CSMD3: variants seen among roughly 807,000 people sequenced by gnomAD.
The protein encoded by CSMD3 is CUB and sushi domain-containing protein 3.
CSMD3 carries 177 observed loss-of-function variants against 435.2 expected under a neutral mutation model. That is an observed-to-expected ratio of 0.41 (90% CI 0.36 to 0.46). CSMD3 has a LOEUF of 0.46. Among genes scored for constraint, CSMD3 ranks in the 20% least tolerant of loss-of-function variants. CSMD3 has a pLI of 0.34. For missense variants in CSMD3, 4,265 were observed against 4,504.6 expected (o/e 0.95, Z 1.52); for synonymous variants, 1,656 against 1,520.5 (o/e 1.09, Z -2.07).
At chr8:113,413,485 T>C (rs2094568548) in intron 1 of CSMD3, among the ~76,000 whole-genome samples, 1 of 152,180 alleles carries the variant, frequency 6.6e-6, no homozygotes, top group Non-Finnish European at 1.5e-5. Context: ...TAAGCTTCAC[T>C]GTGAATTTAC....
At position 112,749,418 on chromosome 8, in the gene CSMD3, T is replaced by A. The variant is rs78303906; in HGVS notation, c.1972+50744A>T. Among the ~76,000 whole-genome samples, 715 of 152,192 alleles carry A rather than the reference T, an allele frequency of 4.7e-3. 10 individuals carry two copies. Among genetic ancestry groups the A allele is most frequent in the African/African-American group, 0.017 (691 of 41,544 alleles). ...TCTTTGTCATAAAACGTTTTCCCGTTCCTATGTCCAGGATGGTATAGCCTT... is the reference window on the plus strand; with the variant it reads ...TCTTTGTCATAAAACGTTTTCCCGTACCTATGTCCAGGATGGTATAGCCTT... On this transcript the variant is annotated intron_variant, in intron 13 of 70. Coordinates refer to ENST00000297405, the MANE Select transcript of CSMD3 (RefSeq NM_198123.2).
chr8:112,915,583 A>G lies in CSMD3; in HGVS notation c.1633+6044T>C, dbSNP rs538830947. Reference sequence around the variant, plus strand: ...TAAAGATACATTGTTTAAACTCAACATATTACAAGGGTGCACTTCATAATA... The same window carrying G: ...TAAAGATACATTGTTTAAACTCAACGTATTACAAGGGTGCACTTCATAATA... On this transcript the variant is annotated intron_variant, in intron 10 of 70. Transcript: ENST00000297405. Among the ~76,000 whole-genome samples, 5 of 151,946 alleles carry G rather than the reference A, an allele frequency of 3.3e-5. No individual in the cohort carries two copies. The East Asian group carries it at 5.8e-4, about 18-fold the overall frequency.
At chr8:112,808,626 A>C (rs62516538) in intron 12 of CSMD3, among the ~76,000 whole-genome samples, 1,853 of 152,230 alleles carry the variant, frequency 0.012, 11 homozygotes, top group South Asian at 0.017. Flanking sequence ...CCCCGCGTCT[A>C]TCACCTTGCG....
chr8:112,829,372 C>A (rs1028575447), intron 12 of CSMD3, among the ~76,000 whole-genome samples: 2 of 152,118 alleles, frequency 1.3e-5, no homozygotes, highest in African/African-American at 4.8e-5. Context: ...CAGGCCCTCA[C>A]CAGACGTCAA....
chr8:113,005,927 T>A (rs1166896642), intron 6 of CSMD3, among the ~76,000 whole-genome samples: 1 of 152,022 alleles, frequency 6.6e-6, no homozygotes, highest in Admixed American at 6.6e-5. Context: ...TCACAAAAAA[T>A]TTTTCCAAAC....
intron 10 of CSMD3, among the ~76,000 whole-genome samples, chr8:112,899,828 T>C (rs1260581601): frequency 2.0e-5 from 3 of 148,642 alleles, no homozygotes; most frequent in Non-Finnish European, 4.5e-5. Flanking sequence ...TATATGTATA[T>C]ATATGGAGAG....
intron 66 of CSMD3, among the ~76,000 whole-genome samples, 197 bp from the exon 67 acceptor site, chr8:112,237,545 G>A (rs980757934): frequency 6.6e-6 from 1 of 151,936 alleles, no homozygotes; most frequent in Non-Finnish European, 1.5e-5. Context: ...ATCTAGATTT[G>A]TTCATATGTT....
intron 13 of CSMD3, among the ~76,000 whole-genome samples, chr8:112,796,652 C>T (rs2078835769): frequency 6.6e-6 from 1 of 151,770 alleles, no homozygotes; most frequent in South Asian, 2.1e-4. Flanking sequence ...GATTAATACG[C>T]ATTTGGAATA....
rs568648401 is a variant in CSMD3, at chr8:113,238,658, G to A, written c.514+39934C>T. 5.9e-5 allele frequency among the ~76,000 whole-genome samples: 9 copies of A among 152,208 alleles called. No homozygotes were observed. The South Asian group carries it at 6.2e-4, about 11-fold the overall frequency. On this transcript the variant is annotated intron_variant, in intron 3 of 70. Coordinates refer to ENST00000297405, the MANE Select transcript of CSMD3 (RefSeq NM_198123.2). ...AAAGTCTAAAGGACACTTCCAGCTCGATTTTGCGTCTTTTTGCTAGAGGCT... is the reference window on the plus strand; with the variant it reads ...AAAGTCTAAAGGACACTTCCAGCTCAATTTTGCGTCTTTTTGCTAGAGGCT...
intron 10 of CSMD3, among the ~76,000 whole-genome samples, chr8:112,876,385 A>G (rs2081282618): frequency 6.6e-6 from 1 of 151,624 alleles, no homozygotes. Flanking sequence ...AAAAAAAAGA[A>G]CATTTCAGGC....
chr8:113,156,209 T>A (rs1178868080), intron 4 of CSMD3, among the ~76,000 whole-genome samples: 6 of 152,094 alleles, frequency 3.9e-5, no homozygotes, highest in Non-Finnish European at 8.8e-5. Flanking sequence ...TATCTCACTA[T>A]TCAGGTGCCT....
intron 59 of CSMD3, among the ~76,000 whole-genome samples, chr8:112,270,085 T>C (rs1817322657): frequency 2.0e-5 from 3 of 152,138 alleles, no homozygotes; most frequent in Admixed American, 2.0e-4. Context: ...GATAGATTAA[T>C]TAGACTTGCA....
chr8:112,947,116 T>C (rs920665500), intron 9 of CSMD3, among the ~76,000 whole-genome samples: 1 of 151,708 alleles, frequency 6.6e-6, no homozygotes, highest in Non-Finnish European at 1.5e-5. Context: ...TATTATCTAA[T>C]ATTTTGATAG....
chr8:112,290,532 C>T (rs1819659962), intron 56 of CSMD3, among the ~76,000 whole-genome samples: 1 of 151,836 alleles, frequency 6.6e-6, no homozygotes, highest in Admixed American at 6.6e-5. Flanking sequence ...AATTACTGAA[C>T]TATATGCATA....
intron 57 of CSMD3, among the ~76,000 whole-genome samples, chr8:112,287,582 A>C (rs1819334989): frequency 6.6e-6 from 1 of 152,162 alleles, no homozygotes; most frequent in Non-Finnish European, 1.5e-5. Flanking sequence ...AAATGACAAC[A>C]GACTCATAAA....
chr8:112,552,512 A>G (rs1438911294), intron 26 of CSMD3, 82 bp downstream of exon 26: 1 of 1,361,014 alleles, frequency 7.3e-7, no homozygotes, highest in Non-Finnish European at 1.0e-6. Flanking sequence ...AAAAAATGAA[A>G]TAAATGGATA....
intron 35 of CSMD3, among the ~76,000 whole-genome samples, 159 bp from the exon 36 acceptor site, chr8:112,390,947 T>C (rs1452496688): frequency 2.0e-5 from 3 of 152,218 alleles, no homozygotes; most frequent in African/African-American, 7.2e-5. Context: ...AGTTTTTGTA[T>C]ACCATGGAAA....
At chr8:112,519,279 A>G (rs1824031927) in intron 27 of CSMD3, among the ~76,000 whole-genome samples, 1 of 152,192 alleles carries the variant, frequency 6.6e-6, no homozygotes, top group Non-Finnish European at 1.5e-5. Context: ...AGAAATTCCA[A>G]CAAAGATAAA....
intron 22 of CSMD3, among the ~76,000 whole-genome samples, chr8:112,605,965 T>C (rs1832760773): frequency 6.6e-6 from 1 of 152,122 alleles, no homozygotes; most frequent in Non-Finnish European, 1.5e-5. Context: ...CTCTGTACCT[T>C]ACACTTAAAG....
Sources: allele counts gnomAD v4.1 joint callset (sites outside exome capture counted in the v4.1 genomes callset), GRCh38; gene constraint gnomAD v4.1.1; transcripts MANE v1.5; gene names NCBI Gene and HGNC (gene_info 2026-07-23, HGNC 2026-07-21).